Variants in SYNE2 observed in about 807,000 individuals in gnomAD.
The protein encoded by SYNE2 is spectrin repeat containing nuclear envelope protein 2, also known as nesprin-2.
In SYNE2, 431 loss-of-function variants were observed where a neutral mutation model predicts 856.3. That is an observed-to-expected ratio of 0.50 (90% CI 0.47 to 0.55). The LOEUF is 0.55. Ranked by LOEUF, SYNE2 falls within the 20% of genes least tolerant of loss-of-function variation. The pLI, the probability that SYNE2 is intolerant of heterozygous loss-of-function variation, is 0.00. For missense variants in SYNE2, 8,129 were observed against 8,023.2 expected, an observed-to-expected ratio of 1.01 and a Z score of -0.50; for synonymous variants, 2,923 against 2,872.3, an observed-to-expected ratio of 1.02 and a Z score of -0.56.
In SYNE2 at chr14:64,126,710, T is replaced by C. The variant is rs1173414981; in HGVS notation, c.13820T>C (p.Phe4607Ser). 14 of 1,614,206 alleles carry C rather than the reference T, an allele frequency of 8.7e-6. No individual in the cohort carries two copies. Among genetic ancestry groups the C allele is most frequent in the Non-Finnish European group, 1.2e-5 (14 of 1,180,030 alleles). The change falls in exon 73 of 116, where the codon TTT (phenylalanine) becomes TCT (serine). Residue 4607 changes from phenylalanine to serine, a missense_variant. Phe to Ser is a radical substitution (Grantham distance 155, BLOSUM62 -2). Coordinates refer to ENST00000555002, the MANE Select transcript of SYNE2 (RefSeq NM_182914.3). ...AACACCAACTTGCTCCTTGAATGTT[T>C]TGACAACCTTCAAGTCTGCCTGGAG... ...GENTNLLLEC[F>S]DNLQVCLEHT...
chr14:63,843,214 CGT>C (rs148435919), intron 1 of SYNE2, among the ~76,000 whole-genome samples: 6 of 150,046 alleles, frequency 4.0e-5, no homozygotes, highest in Non-Finnish European at 5.9e-5. Flanking sequence ...TTTTTATGCC[CGT>C]GTGTGTGTGT....
chr14:63,762,636 A>G (rs1886532860), intron 1 of SYNE2, among the ~76,000 whole-genome samples: 1 of 137,152 alleles, frequency 7.3e-6, no homozygotes, highest in Non-Finnish European at 1.6e-5. Context: ...GGGTGTTGCT[A>G]TGTTTCCCAG....
intron 50 of SYNE2, among the ~76,000 whole-genome samples, chr14:64,064,098 T>C (rs1327151072): frequency 6.6e-6 from 1 of 152,148 alleles, no homozygotes; most frequent in Non-Finnish European, 1.5e-5. Flanking sequence ...GACTATACAA[T>C]GCCTGGGTGA....
chr14:63,767,528 C>A (rs1037073852), intron 1 of SYNE2, among the ~76,000 whole-genome samples: 1 of 152,030 alleles, frequency 6.6e-6, no homozygotes, highest in African/African-American at 2.4e-5. Flanking sequence ...ATATAAAAAT[C>A]GAAATTCTAG....
chr14:64,186,407 C>A lies in SYNE2; in HGVS notation c.17557-17C>A. On this transcript the variant is annotated splice_polypyrimidine_tract_variant and intron_variant, in intron 96 of 115. Coordinates refer to ENST00000555002, the MANE Select transcript of SYNE2 (RefSeq NM_182914.3). Reference sequence around the variant, plus strand: ...TGAGTTGAAGGCTTTTTACCCCCTTCTTGTGATTAAATGCAGGAACTAGAA... The same window carrying A: ...TGAGTTGAAGGCTTTTTACCCCCTTATTGTGATTAAATGCAGGAACTAGAA... The A allele has an allele frequency of 1.2e-6, 2 of 1,614,086 alleles. No individual in the cohort carries two copies. The highest frequency in any genetic ancestry group is 1.7e-6 in the Non-Finnish European group (2 of 1,179,978).
intron 1 of SYNE2, among the ~76,000 whole-genome samples, chr14:63,826,372 T>C (rs1889431778): frequency 6.6e-6 from 1 of 152,208 alleles, no homozygotes; most frequent in African/African-American, 2.4e-5. Flanking sequence ...CAATCTCAGC[T>C]CACTGCAACC....
chr14:63,774,470 A>C (rs1299235584), intron 1 of SYNE2, among the ~76,000 whole-genome samples: 1 of 34,368 alleles, frequency 2.9e-5, no homozygotes, highest in Non-Finnish European at 8.9e-5. Flanking sequence ...CTCCGTCTCA[A>C]AAAAAAAAAA....
At chr14:63,822,348 G>T (rs1323573023) in intron 1 of SYNE2, among the ~76,000 whole-genome samples, 3 of 152,152 alleles carry the variant, frequency 2.0e-5, no homozygotes, top group Admixed American at 6.5e-5. Context: ...TATCCCCAGA[G>T]AATTGTCACT....
intron 52 of SYNE2, among the ~76,000 whole-genome samples, chr14:64,072,595 G>A (rs1315475187): frequency 6.6e-6 from 1 of 151,894 alleles, no homozygotes; most frequent in Non-Finnish European, 1.5e-5. Context: ...GGCTTCCTGA[G>A]TTCAAGCGAT....
At chr14:63,965,544 C>T (rs78236445) in intron 10 of SYNE2, among the ~76,000 whole-genome samples, 1,625 of 152,264 alleles carry the variant, frequency 0.011, 24 homozygotes, top group African/African-American at 0.037. Flanking sequence ...TCCTCAGTCC[C>T]GTTTCTTAGA....
chr14:63,983,673 T>C, intron 17 of SYNE2, 64 bp from the exon 18 acceptor site: 1 of 1,338,034 alleles, frequency 7.5e-7, no homozygotes, highest in Non-Finnish European at 1.1e-6. Context: ...ACTTACTGTT[T>C]GTAATGTATA....
At chr14:64,155,399 G>A (rs2098277699) in intron 85 of SYNE2, among the ~76,000 whole-genome samples, 1 of 152,162 alleles carries the variant, frequency 6.6e-6, no homozygotes, top group Admixed American at 6.6e-5. Context: ...GGAATAACCA[G>A]AATGGACAAT....
At chr14:64,132,940 C>T (rs975449728) in intron 77 of SYNE2, among the ~76,000 whole-genome samples, 4 of 152,116 alleles carry the variant, frequency 2.6e-5, no homozygotes, top group African/African-American at 7.2e-5. Context: ...CAGTGGCTCA[C>T]GCCTGTAATC....
At chr14:63,983,157 C>A (rs1051257554) in intron 17 of SYNE2, among the ~76,000 whole-genome samples, 1 of 152,206 alleles carries the variant, frequency 6.6e-6, no homozygotes, top group African/African-American at 2.4e-5. Context: ...AATCGTACTT[C>A]ATTCCTTTTT....
rs754809587 is a variant in SYNE2 at position 64,021,447 on chromosome 14, G to C, written c.5284G>C (p.Gly1762Arg). 2 of 1,614,096 alleles carry C rather than the reference G, an allele frequency of 1.2e-6. No homozygotes were observed. The change falls in exon 36 of 116, where the codon GGG becomes CGG. Residue 1762 changes from glycine to arginine, a missense_variant. Around this residue, in one of 3 missense-constraint regions of SYNE2, gnomAD observed 2,422 missense variants for 2,357.4 expected, o/e 1.03. Transcript: ENST00000555002. ...TCTCGACCAAGCCAAGACCCAGATC[G>C]GGATGACTGAATCCCTCTTAAAAGC... ...EDLDQAKTQI[G>R]MTESLLKALS... is the part of the protein sequence containing the mutation.
At position 64,024,913 on chromosome 14, in the gene SYNE2, C is replaced by T. The variant is rs1234563351; in HGVS notation, c.5842C>T (p.Leu1948Phe). The T allele has an allele frequency of 1.2e-6, 2 of 1,613,836 alleles. No homozygotes were observed. The highest frequency in any genetic ancestry group is 1.7e-4 in the Middle Eastern group (1 of 6,060). The change falls in exon 40 of 116, where the codon CTC (leucine) becomes TTC (phenylalanine). Residue 1948 changes from leucine (L) to phenylalanine (F), a missense_variant and splice_region_variant. Leu to Phe is a conservative substitution (Grantham distance 22). Around this residue, in one of 3 missense-constraint regions of SYNE2, gnomAD observed 2,422 missense variants for 2,357.4 expected, o/e 1.03. Transcript: ENST00000555002. ...TAAACATGTGTAATGCTCTTTTAGA[C>T]TCCAGGATGACCATAGAAACCTGAG... Reference protein sequence around the residue: ...LEDSLQQLLRLQDDHRNLRKW... With the variant: ...LEDSLQQLLRFQDDHRNLRKW...
intron 105 of SYNE2, among the ~76,000 whole-genome samples, chr14:64,213,765 G>C (rs1287889137): frequency 1.3e-5 from 2 of 152,128 alleles, no homozygotes; most frequent in African/African-American, 4.8e-5. Context: ...AATTAAGTTG[G>C]AGGATAAGAA....
At chr14:64,089,281 G>A (rs894532510) in intron 58 of SYNE2, among the ~76,000 whole-genome samples, 4 of 147,136 alleles carry the variant, frequency 2.7e-5, no homozygotes, top group Admixed American at 7.1e-5. Context: ...CAGGAGAATC[G>A]CTTGAACCTG....
intron 78 of SYNE2, among the ~76,000 whole-genome samples, chr14:64,134,916 G>A (rs972538740): frequency 6.6e-6 from 1 of 152,174 alleles, no homozygotes; most frequent in African/African-American, 2.4e-5. Flanking sequence ...AAACCTGGGA[G>A]GTGGAGGTTG....
Sources: allele counts gnomAD v4.1 joint callset (sites outside exome capture counted in the v4.1 genomes callset), GRCh38; gene constraint gnomAD v4.1.1; regional missense constraint gnomAD v4.1.1; transcripts MANE v1.5; gene names NCBI Gene and HGNC (gene_info 2026-07-23, HGNC 2026-07-21).